Variants in GALNT13 observed in about 807,000 individuals in gnomAD.
GALNT13 encodes polypeptide N-acetylgalactosaminyltransferase 13.
GALNT13 carries 28 observed loss-of-function variants against 64.2 expected under a neutral mutation model. That is an observed-to-expected ratio of 0.44 (90% CI 0.32 to 0.60). GALNT13 has a LOEUF of 0.60. GALNT13 is among the 20% of genes least tolerant of loss of function. The pLI, the probability that GALNT13 is intolerant of heterozygous loss-of-function variation, is 0.05. For missense variants in GALNT13, 577 were observed against 669.8 expected, an observed-to-expected ratio of 0.86 and a Z score of 1.53; for synonymous variants, 214 against 224.6, an observed-to-expected ratio of 0.95 and a Z score of 0.42.
At chr2:154,439,385 A>C (rs1701165597) in intron 12 of GALNT13, among the ~76,000 whole-genome samples, 1 of 152,174 alleles carries the variant, frequency 6.6e-6, no homozygotes, top group Non-Finnish European at 1.5e-5. Context: ...CCTTTGCATA[A>C]CGAAGCTTAC....
At chr2:154,313,283 C>T (rs1248574942) in intron 9 of GALNT13, among the ~76,000 whole-genome samples, 1 of 147,070 alleles carries the variant, frequency 6.8e-6, no homozygotes, top group Non-Finnish European at 1.5e-5. Flanking sequence ...AACTTAAGTT[C>T]TATTCACTTT....
the GALNT13 span, among the ~76,000 whole-genome samples, chr2:153,305,422 G>C: frequency 6.6e-6 from 1 of 152,146 alleles, no homozygotes; most frequent in Non-Finnish European, 1.5e-5. Context: ...TGTGCTATTG[G>C]AGGTGGTTTC....
chr2:153,135,029 A>G, the GALNT13 span, among the ~76,000 whole-genome samples: 2 of 152,092 alleles, frequency 1.3e-5, no homozygotes, highest in African/African-American at 4.8e-5. Flanking sequence ...AATACCATAG[A>G]CTGTGTGGCT....
At chr2:153,420,638 A>C in the GALNT13 span, 9 of 216,434 alleles carry the variant, frequency 4.2e-5, no homozygotes, top group African/African-American at 1.6e-4. Flanking sequence ...TTCTGGAAGT[A>C]TGACATGCTG....
the GALNT13 span, among the ~76,000 whole-genome samples, chr2:153,091,203 C>G: frequency 1.3e-5 from 2 of 152,086 alleles, no homozygotes; most frequent in African/African-American, 2.4e-5. Context: ...CTCCCCCTTC[C>G]CAATTGTGCT....
the GALNT13 span, among the ~76,000 whole-genome samples, chr2:153,615,652 T>C: frequency 2.0e-5 from 3 of 152,274 alleles, no homozygotes; most frequent in Non-Finnish European, 4.4e-5. Flanking sequence ...CTTTTTCATA[T>C]GCCTGTTTTC....
the GALNT13 span, among the ~76,000 whole-genome samples, chr2:153,166,620 CATGT>C: frequency 9.6e-5 from 7 of 72,596 alleles, no homozygotes; most frequent in South Asian, 5.3e-4. Flanking sequence ...TTGCCTACTG[CATGT>C]GTGTGTGTGT....
chr2:154,298,501 C>CATATATAAATT (rs1161538633), intron 8 of GALNT13, among the ~76,000 whole-genome samples: 2 of 75,060 alleles, frequency 2.7e-5, no homozygotes. Flanking sequence ...ATTATATATA[C>CATATATAAATT]ATATATAAAT....
chr2:154,104,864 C>G (rs751143142), intron 3 of GALNT13, among the ~76,000 whole-genome samples: 19 of 151,272 alleles, frequency 1.3e-4, no homozygotes, highest in Non-Finnish European at 2.7e-4. Context: ...ATGGCACACA[C>G]TGCCTCAGTT....
chr2:153,881,123 G>C (rs559037840), intron 1 of GALNT13, among the ~76,000 whole-genome samples: 1 of 152,296 alleles, frequency 6.6e-6, no homozygotes, highest in African/African-American at 2.4e-5. Context: ...TCTACTTTTA[G>C]AGTTGTGTGC....
chr2:154,272,737 A>G (rs748119635), intron 8 of GALNT13, among the ~76,000 whole-genome samples: 4 of 152,122 alleles, frequency 2.6e-5, no homozygotes, highest in Non-Finnish European at 4.4e-5. Context: ...GCTGATTTAC[A>G]TTTGAAATGT....
the GALNT13 span, among the ~76,000 whole-genome samples, chr2:153,693,050 C>G: frequency 6.6e-6 from 1 of 152,138 alleles, no homozygotes; most frequent in Non-Finnish European, 1.5e-5. Flanking sequence ...TATAGCAGAA[C>G]CAAATGTGTT....
chr2:154,116,698 G>C (rs1308476263), intron 3 of GALNT13, among the ~76,000 whole-genome samples: 1 of 152,106 alleles, frequency 6.6e-6, no homozygotes, highest in Non-Finnish European at 1.5e-5. Flanking sequence ...TTACACCAAG[G>C]ACTATCAGTG....
At position 154,130,977 on chromosome 2, in the gene GALNT13, C is replaced by CA. The variant is rs1160126483; in HGVS notation, c.143-9351dup. ...GTTTCCAAAGAATTCATGGTTATTT[C>CA]AAAAAAAAATTTTTTTTGGCAAAAT... On this transcript the variant is annotated intron_variant, in intron 3 of 12. Transcript: ENST00000392825. 2.6e-5 allele frequency among the ~76,000 whole-genome samples: 4 copies of CA among 151,154 alleles called. No individual in the cohort carries two copies. In the East Asian group the frequency reaches 7.8e-4, roughly 29 times the overall value.
intron 9 of GALNT13, among the ~76,000 whole-genome samples, chr2:154,363,133 T>C (rs543158447): frequency 5.0e-4 from 76 of 152,270 alleles, no homozygotes; most frequent in African/African-American, 1.8e-3. Flanking sequence ...CCATTGTTTG[T>C]TTTGCTAACT....
rs551379546 is a variant in GALNT13, at chr2:154,259,525, G to A, written c.975+387G>A. On this transcript the variant is annotated intron_variant, in intron 8 of 12. Transcript: ENST00000392825. ...CAACTACTGCCTCAGGTTGTTCTCA[G>A]AAAACTTTAAGAATGAACTGTGGTC... 7.2e-5 allele frequency among the ~76,000 whole-genome samples: 11 copies of A among 152,206 alleles called. No individual in the cohort carries two copies. In the South Asian group the frequency reaches 2.3e-3, roughly 32 times the overall value.
At chr2:154,248,009 A>G (rs546824466) in intron 7 of GALNT13, among the ~76,000 whole-genome samples, 1 of 152,302 alleles carries the variant, frequency 6.6e-6, no homozygotes, top group African/African-American at 2.4e-5. Flanking sequence ...ATACAAATAG[A>G]TAAATCATTC....
At chr2:154,301,358 C>A in intron 8 of GALNT13, 51 bp from the exon 9 acceptor site, 4 of 1,442,352 alleles carry the variant, frequency 2.8e-6, no homozygotes, top group Non-Finnish European at 3.8e-6. Flanking sequence ...TCAGTTGCTT[C>A]ATCTCATACA....
intron 3 of GALNT13, among the ~76,000 whole-genome samples, chr2:154,006,769 A>G (rs1696280589): frequency 1.3e-5 from 2 of 152,184 alleles, no homozygotes; most frequent in South Asian, 4.1e-4. Context: ...GCAGTCTTCA[A>G]ATACTATGAT....
Sources: allele counts gnomAD v4.1 joint callset (sites outside exome capture counted in the v4.1 genomes callset), GRCh38; gene constraint gnomAD v4.1.1; transcripts MANE v1.5; gene names NCBI Gene and HGNC (gene_info 2026-07-23, HGNC 2026-07-21).